ITGB5: variants seen among roughly 807,000 people sequenced by gnomAD.
The protein encoded by ITGB5 is integrin subunit beta 5.
ITGB5 carries 38 observed loss-of-function variants against 84.8 expected under a neutral mutation model. That is an observed-to-expected ratio of 0.45 (90% CI 0.35 to 0.59). The LOEUF is 0.59. Among genes scored for constraint, ITGB5 ranks in the 20% least tolerant of loss-of-function variants. The pLI is 0.01. For missense variants in ITGB5, 905 were observed against 1,034.5 expected (o/e 0.87, Z 1.72); for synonymous variants, 393 against 414.4 (o/e 0.95, Z 0.63).
chr3:124,770,553 C>G (rs966751427), intron 11 of ITGB5, among the ~76,000 whole-genome samples: 21 of 152,188 alleles, frequency 1.4e-4, no homozygotes, highest in African/African-American at 5.1e-4. Flanking sequence ...AGTGCAGAAA[C>G]TGCGAAGTGG....
chr3:124,817,809 G>C, intron 7 of ITGB5, 99 bp from the exon 8 acceptor site: 1 of 661,376 alleles, frequency 1.5e-6, no homozygotes, highest in Non-Finnish European at 2.6e-6. Context: ...AAGGCTCCTA[G>C]AACCATATCC....
upstream of ITGB5, among the ~76,000 whole-genome samples, chr3:124,891,705 C>T (rs927184201): frequency 2.0e-5 from 3 of 151,584 alleles, no homozygotes; most frequent in African/African-American, 7.3e-5. Flanking sequence ...AGGAGGATTG[C>T]TTGAGCTCAG....
intron 13 of ITGB5, among the ~76,000 whole-genome samples, chr3:124,765,421 T>C (rs943120700): frequency 6.6e-6 from 1 of 152,216 alleles, no homozygotes; most frequent in Non-Finnish European, 1.5e-5. Flanking sequence ...GAAGCAGCAG[T>C]GGCCCCGCCC....
At chr3:124,867,709 T>C (rs1343553335) in intron 2 of ITGB5, among the ~76,000 whole-genome samples, 2 of 152,224 alleles carry the variant, frequency 1.3e-5, no homozygotes, top group Admixed American at 6.5e-5. Flanking sequence ...GGGCTACCCC[T>C]AGGCCCTGCT....
intron 4 of ITGB5, 23 bp from the exon 5 acceptor site, chr3:124,841,574 T>C: frequency 1.2e-6 from 2 of 1,609,042 alleles, no homozygotes; most frequent in South Asian, 2.2e-5. Context: ...AAGAGAAGAG[T>C]CACTTTTCCA....
At chr3:124,863,807 C>T (rs1436781078) in intron 2 of ITGB5, among the ~76,000 whole-genome samples, 3 of 151,962 alleles carry the variant, frequency 2.0e-5, no homozygotes, top group African/African-American at 7.3e-5. Flanking sequence ...AGCCACAACA[C>T]CTGGCCTAGA....
At chr3:124,847,618 T>C (rs986102226) in intron 4 of ITGB5, among the ~76,000 whole-genome samples, 5 of 152,164 alleles carry the variant, frequency 3.3e-5, no homozygotes, top group Non-Finnish European at 7.3e-5. Flanking sequence ...TGGTAAAGCC[T>C]GGAAGATGGA....
chr3:124,766,413 C>T, intron 12 of ITGB5, 68 bp from the exon 13 acceptor site: 1 of 1,576,470 alleles, frequency 6.3e-7, no homozygotes, highest in Non-Finnish European at 8.6e-7. Context: ...ATGGTCGGGG[C>T]AGGGAGCCGA....
At chr3:124,806,726 T>A (rs916801107) in intron 9 of ITGB5, among the ~76,000 whole-genome samples, 1 of 151,854 alleles carries the variant, frequency 6.6e-6, no homozygotes. Flanking sequence ...TGTAAGCCAC[T>A]GCGCCTGGCC....
intron 10 of ITGB5, 61 bp from the exon 11 acceptor site, chr3:124,773,973 T>C (rs2063886938): frequency 6.9e-7 from 1 of 1,455,818 alleles, no homozygotes; most frequent in Admixed American, 1.7e-5. Context: ...CACATAACCA[T>C]CTGGTGCCCC....
chr3:124,786,263 G>C (rs988037742), intron 10 of ITGB5, among the ~76,000 whole-genome samples: 1 of 152,134 alleles, frequency 6.6e-6, no homozygotes, highest in Non-Finnish European at 1.5e-5. Context: ...TCAGCTGGGT[G>C]CAGTGGCTCA....
At chr3:124,816,240 C>T (rs72972576) in intron 8 of ITGB5, among the ~76,000 whole-genome samples, 3,621 of 152,306 alleles carry the variant, frequency 0.024, 142 homozygotes, top group African/African-American at 0.077. Flanking sequence ...CCCAGGGTTC[C>T]CCCTAGCTGG....
At chr3:124,836,446 A>C (rs953036964) in intron 5 of ITGB5, among the ~76,000 whole-genome samples, 1 of 147,304 alleles carries the variant, frequency 6.8e-6, no homozygotes, top group Non-Finnish European at 1.5e-5. Flanking sequence ...ATCTCCTTTC[A>C]AAAAAAAAAG....
intron 1 of ITGB5, among the ~76,000 whole-genome samples, chr3:124,901,096 G>A (rs1047747033): frequency 3.9e-5 from 6 of 152,208 alleles, no homozygotes; most frequent in Admixed American, 3.3e-4. Flanking sequence ...TGCATTAAAA[G>A]TTAATGGTTT....
intron 3 of ITGB5, among the ~76,000 whole-genome samples, chr3:124,854,592 C>T (rs548669239): frequency 1.3e-5 from 2 of 152,218 alleles, no homozygotes; most frequent in East Asian, 3.9e-4. Flanking sequence ...ATACCAGCGG[C>T]TGAAAGGGGA....
chr3:124,887,718 A>G, upstream of ITGB5: 2 of 452,632 alleles, frequency 4.4e-6, no homozygotes, highest in South Asian at 1.6e-5. Flanking sequence ...ACTTGGGCCA[A>G]AGGCGGTTGC....
At chr3:124,898,606 T>C (rs1449181621) in intron 1 of ITGB5, among the ~76,000 whole-genome samples, 1 of 117,120 alleles carries the variant, frequency 8.5e-6, no homozygotes, top group Non-Finnish European at 1.6e-5. Flanking sequence ...ATTGTGCAAC[T>C]GCACTCCAGC....
chr3:124,791,249 G>GTA (rs2064145184), intron 10 of ITGB5: 1 of 152,092 alleles, frequency 6.6e-6, no homozygotes, highest in Non-Finnish European at 1.5e-5. Flanking sequence ...AGCTCCCCTC[G>GTA]CACACACAGA....
intron 2 of ITGB5, among the ~76,000 whole-genome samples, chr3:124,864,649 G>C (rs192071073): frequency 2.6e-5 from 4 of 151,654 alleles, no homozygotes; most frequent in African/African-American, 7.3e-5. Context: ...TTTATGGGTC[G>C]AAAAACTACT....
Sources: allele counts gnomAD v4.1 joint callset (sites outside exome capture counted in the v4.1 genomes callset), GRCh38; gene constraint gnomAD v4.1.1; transcripts MANE v1.5; gene names NCBI Gene and HGNC (gene_info 2026-07-23, HGNC 2026-07-21).